FRMD4A: variants seen among roughly 807,000 people sequenced by gnomAD.
FRMD4A encodes FERM domain-containing protein 4A.
FRMD4A carries 29 observed loss-of-function variants against 129.1 expected under a neutral mutation model. The observed-to-expected ratio is 0.22, with a 90% CI of 0.17 to 0.31. The LOEUF is 0.31. Ranked by LOEUF, FRMD4A falls within the 10% of genes least tolerant of loss-of-function variation. FRMD4A has a pLI of 1.00. For missense variants in FRMD4A, 1,272 were observed against 1,375.8 expected (o/e 0.92, Z 1.19); for synonymous variants, 634 against 571.6 (o/e 1.11, Z -1.56).
intron 3 of FRMD4A, among the ~76,000 whole-genome samples, chr10:13,847,624 C>T (rs1044846040): frequency 6.6e-6 from 1 of 152,154 alleles, no homozygotes; most frequent in South Asian, 2.1e-4. Context: ...CCTGGATCCC[C>T]TTACAAGAAA....
intron 3 of FRMD4A, among the ~76,000 whole-genome samples, chr10:13,841,963 T>C (rs183957026): frequency 6.6e-6 from 1 of 152,248 alleles, no homozygotes; most frequent in East Asian, 1.9e-4. Flanking sequence ...TAATTCCAGG[T>C]GGTTAGTGCC....
chr10:14,230,751 G>A (rs941232604), intron 2 of FRMD4A, among the ~76,000 whole-genome samples: 8 of 152,252 alleles, frequency 5.3e-5, no homozygotes, highest in African/African-American at 1.7e-4. Flanking sequence ...CACAGTATCC[G>A]ATAGGTAGCT....
At chr10:14,013,149 G>T (rs1588769670) in intron 2 of FRMD4A, among the ~76,000 whole-genome samples, 1 of 152,128 alleles carries the variant, frequency 6.6e-6, no homozygotes, top group East Asian at 1.9e-4. Flanking sequence ...TCTTTCCTTT[G>T]CAAAAAAGGC....
chr10:14,128,052 CTTTCTTTCTTTCTTTCTTTCTTT>C (rs1839011109), intron 2 of FRMD4A, among the ~76,000 whole-genome samples: 1 of 29,384 alleles, frequency 3.4e-5, no homozygotes, highest in African/African-American at 1.3e-4. Flanking sequence ...TTCCCTCTTT[CTTTCTTTCTTTCTTTCTTTCTTT>C]CTTTCTTTCT....
intron 2 of FRMD4A, among the ~76,000 whole-genome samples, chr10:14,328,516 C>A (rs976094154): frequency 6.6e-6 from 1 of 151,780 alleles, no homozygotes; most frequent in African/African-American, 2.4e-5. Context: ...CTGAGACAAG[C>A]GGGTCTAACT....
chr10:13,728,446 AACTCACCGAG>A (rs889720242), intron 12 of FRMD4A, among the ~76,000 whole-genome samples: 3 of 12,726 alleles, frequency 2.4e-4, no homozygotes, highest in South Asian at 2.6e-3. Context: ...TTGCCACTGA[AACTCACCGAG>A]TCTGACTTTC....
intron 8 of FRMD4A, among the ~76,000 whole-genome samples, chr10:13,760,513 TG>T (rs1326867749): frequency 6.6e-6 from 1 of 151,856 alleles, no homozygotes; most frequent in Non-Finnish European, 1.5e-5. Flanking sequence ...AAGGAGACCT[TG>T]TCTCTGAAAA....
intron 2 of FRMD4A, among the ~76,000 whole-genome samples, chr10:14,143,473 G>A (rs1407637149): frequency 2.6e-5 from 4 of 152,228 alleles, no homozygotes; most frequent in Non-Finnish European, 1.5e-5. Context: ...TGGGGAGATG[G>A]AATTGGGAAT....
At chr10:13,850,796 C>T (rs1301632378) in intron 3 of FRMD4A, among the ~76,000 whole-genome samples, 3 of 152,186 alleles carry the variant, frequency 2.0e-5, no homozygotes, top group Admixed American at 1.3e-4. Context: ...GCTCGAGCTA[C>T]CTATACTTCA....
chr10:14,245,521 C>T (rs1269749877), intron 2 of FRMD4A, among the ~76,000 whole-genome samples: 1 of 152,098 alleles, frequency 6.6e-6, no homozygotes, highest in African/African-American at 2.4e-5. Context: ...ATCTCCCTTA[C>T]CCCCCAAACT....
At chr10:13,993,107 A>G (rs1588698709) in intron 2 of FRMD4A, among the ~76,000 whole-genome samples, 1 of 152,158 alleles carries the variant, frequency 6.6e-6, no homozygotes, top group Non-Finnish European at 1.5e-5. Context: ...AAGTTGCCTT[A>G]TCCGGCAAGA....
chr10:14,218,813 G>A (rs1843154351), intron 2 of FRMD4A, among the ~76,000 whole-genome samples: 1 of 151,742 alleles, frequency 6.6e-6, no homozygotes, highest in Non-Finnish European at 1.5e-5. Flanking sequence ...AAATTAGCCG[G>A]GTGTGGTGGT....
intron 5 of FRMD4A, among the ~76,000 whole-genome samples, chr10:13,785,765 TC>T (rs1166725772): frequency 1.3e-5 from 2 of 151,318 alleles, no homozygotes; most frequent in Non-Finnish European, 2.9e-5. Context: ...ATGCTATCCC[TC>T]CCCCTACCCC....
chr10:14,167,717 CAG>C (rs1264394474), intron 2 of FRMD4A, among the ~76,000 whole-genome samples: 2 of 151,992 alleles, frequency 1.3e-5, no homozygotes, highest in Non-Finnish European at 2.9e-5. Context: ...CCTGGGGCTT[CAG>C]AGATTTCCCA....
intron 2 of FRMD4A, among the ~76,000 whole-genome samples, chr10:14,096,150 G>C (rs1836947774): frequency 6.6e-6 from 1 of 152,174 alleles, no homozygotes; most frequent in Non-Finnish European, 1.5e-5. Flanking sequence ...GGGCTGATTA[G>C]ATCATGAAAG....
intron 2 of FRMD4A, among the ~76,000 whole-genome samples, chr10:14,276,256 C>T (rs1170007975): frequency 6.6e-6 from 1 of 152,092 alleles, no homozygotes; most frequent in Non-Finnish European, 1.5e-5. Flanking sequence ...GTGACACTGG[C>T]CATGAAAGGG....
chr10:14,140,029 T>A (rs1289252995), intron 2 of FRMD4A, among the ~76,000 whole-genome samples: 1 of 152,166 alleles, frequency 6.6e-6, no homozygotes, highest in East Asian at 1.9e-4. Context: ...GTCTCTAGGA[T>A]AGCAGGAGGA....
Position 13,646,765 on chromosome 10 carries a change from A to C in FRMD4A, c.*273T>G, listed in dbSNP as rs114043308. The C allele has an allele frequency of 6.5e-6, 1 of 152,832 alleles. No homozygotes were observed. The highest frequency in any genetic ancestry group is 2.4e-5 in the African/African-American group (1 of 41,420). 9.5% of individuals were successfully genotyped at this position (152,832 alleles called of 1,614,324 possible). A position where few individuals can be genotyped will look rare whatever the true frequency, so the allele number is the denominator to read the frequency against. On this transcript the variant is annotated 3_prime_UTR_variant, in exon 25 of 25. Coordinates refer to ENST00000357447, the MANE Select transcript of FRMD4A (RefSeq NM_018027.5). ...CACAGTGGGACCGGAACCTTCCAGA[A>C]TGTCTCCTCAGTCAGGTTTTCAAGG... is the stretch of plus-strand genomic sequence containing the variant.
chr10:14,168,281 A>C (rs1196456654), intron 2 of FRMD4A, among the ~76,000 whole-genome samples: 1 of 152,206 alleles, frequency 6.6e-6, no homozygotes, highest in Non-Finnish European at 1.5e-5. Context: ...TAATTACTAT[A>C]AAGATCACAT....
Sources: allele counts gnomAD v4.1 joint callset (sites outside exome capture counted in the v4.1 genomes callset), GRCh38; gene constraint gnomAD v4.1.1; transcripts MANE v1.5; gene names NCBI Gene and HGNC (gene_info 2026-07-23, HGNC 2026-07-21).